FUT9: variants seen among roughly 807,000 people sequenced by gnomAD.
FUT9 encodes the protein 4-galactosyl-N-acetylglucosaminide 3-alpha-L-fucosyltransferase 9.
Under a neutral mutation model 29.7 loss-of-function variants are expected in FUT9, and 15 were observed. That is an observed-to-expected ratio of 0.51 (90% CI 0.34 to 0.78). The LOEUF (loss-of-function observed/expected upper bound fraction) is 0.78. FUT9 is among the 30% of genes least tolerant of loss of function. FUT9 has a pLI of 0.01. For synonymous variants in FUT9, 169 were observed against 153.7 expected, an observed-to-expected ratio of 1.10 and a Z score of -0.74; for missense variants, 319 against 425.4, an observed-to-expected ratio of 0.75 and a Z score of 2.20.
At chr6:96,132,576 A>G (rs1772267359) in intron 2 of FUT9, among the ~76,000 whole-genome samples, 1 of 152,108 alleles carries the variant, frequency 6.6e-6, no homozygotes, top group Non-Finnish European at 1.5e-5. Flanking sequence ...ACCAAAAGAG[A>G]AAGGGCGACA....
At chr6:96,022,783 A>C (rs1465327397) in intron 1 of FUT9, among the ~76,000 whole-genome samples, 1 of 151,882 alleles carries the variant, frequency 6.6e-6, no homozygotes, top group Non-Finnish European at 1.5e-5. Flanking sequence ...CCAGACAGTC[A>C]TAAGGTCTTC....
In FUT9 at chr6:96,100,659, G is replaced by A. The variant is rs147524619; in HGVS notation, c.-97-13380G>A. Among the ~76,000 whole-genome samples, 466 of 152,240 alleles carry A rather than the reference G, an allele frequency of 3.1e-3. 1 individual carries two copies. Among genetic ancestry groups the A allele is most frequent in the African/African-American group, 0.01 (434 of 41,550 alleles). ...TGAGGTATGGTGAGGAGTGATGATC[G>A]ATAAGCCAAGAAGTGAAGACGCAGG... On this transcript the variant is annotated intron_variant, in intron 1 of 2. Transcript: ENST00000302103.
chr6:96,210,248 C>A lies in FUT9; in HGVS notation c.*6013C>A, dbSNP rs1479549266. ...TTCTTAAATATATCGGTAAAGTATTCTACTTCAAAATCCAAGACATTTTGT... is the reference window on the plus strand; with the variant it reads ...TTCTTAAATATATCGGTAAAGTATTATACTTCAAAATCCAAGACATTTTGT... On this transcript the variant is annotated 3_prime_UTR_variant, in exon 3 of 3. Transcript: ENST00000302103. 4 of 166,892 alleles carry A rather than the reference C, an allele frequency of 2.4e-5. No individual in the cohort carries two copies. The highest frequency in any genetic ancestry group is 6.6e-5 in the Admixed American group (1 of 15,244). The allele number at this position is 166,892 out of a possible 1,614,324, so 10.3% of individuals were successfully genotyped here. A position where few individuals can be genotyped will look rare whatever the true frequency, so the allele number is the denominator to read the frequency against.
At chr6:96,186,038 C>A (rs1324570507) in intron 2 of FUT9, among the ~76,000 whole-genome samples, 1 of 152,046 alleles carries the variant, frequency 6.6e-6, no homozygotes. Flanking sequence ...TGCCTTTCCA[C>A]CTTTTTTCTA....
At chr6:96,098,406 G>A (rs1771535979) in intron 1 of FUT9, among the ~76,000 whole-genome samples, 1 of 152,144 alleles carries the variant, frequency 6.6e-6, no homozygotes. Flanking sequence ...ACGATCCACA[G>A]TGATCTTTCA....
intron 2 of FUT9, among the ~76,000 whole-genome samples, chr6:96,164,250 G>GTTTT (rs372685063): frequency 2.9e-5 from 2 of 69,380 alleles, no homozygotes; most frequent in African/African-American, 5.3e-5. Flanking sequence ...GGAGATCCAG[G>GTTTT]TTCTTTTTTT....
intron 1 of FUT9, among the ~76,000 whole-genome samples, chr6:96,061,831 C>G (rs1051936567): frequency 4.6e-5 from 7 of 152,202 alleles, no homozygotes; most frequent in Admixed American, 4.6e-4. Flanking sequence ...CTCTTAATCT[C>G]TCCTGTTTTA....
chr6:96,173,659 C>A (rs1307121377), intron 2 of FUT9, among the ~76,000 whole-genome samples: 2 of 151,960 alleles, frequency 1.3e-5, no homozygotes, highest in African/African-American at 4.8e-5. Context: ...ACTCTTACAT[C>A]TGTCTTATAA....
chr6:96,066,109 C>A (rs113003597), intron 1 of FUT9, among the ~76,000 whole-genome samples: 1 of 152,096 alleles, frequency 6.6e-6, no homozygotes, highest in African/African-American at 2.4e-5. Context: ...TAGAGTTACA[C>A]AACCCTGATT....
At chr6:96,038,979 C>T (rs1770408561) in intron 1 of FUT9, among the ~76,000 whole-genome samples, 1 of 152,106 alleles carries the variant, frequency 6.6e-6, no homozygotes, top group African/African-American at 2.4e-5. Flanking sequence ...AACAACCAGC[C>T]TGGAATAATC....
intron 2 of FUT9, among the ~76,000 whole-genome samples, chr6:96,176,182 G>T (rs1026623005): frequency 3.3e-5 from 5 of 152,074 alleles, no homozygotes; most frequent in Admixed American, 6.5e-5. Context: ...CACTTGGACC[G>T]AGCCACACTA....
rs1470302013 is a variant in FUT9, at chr6:96,213,406, T to C, written c.*9171T>C. The C allele has an allele frequency of 6.0e-6, 1 of 166,862 alleles. No homozygotes were observed. Among genetic ancestry groups the C allele is most frequent in the Non-Finnish European group, 1.5e-5 (1 of 68,018 alleles). 10.3% of individuals were successfully genotyped at this position (166,862 alleles called of 1,614,324 possible). The stretch of plus-strand genomic sequence containing the variant: ...AAACAAAATGTGACAATTCTAGCCA[T>C]TATGTGAATTGTAAGGGTCAGTAAT... On this transcript the variant is annotated 3_prime_UTR_variant, in exon 3 of 3. Transcript: ENST00000302103.
chr6:96,121,087 C>T lies in FUT9; in HGVS notation c.-9+6960C>T, dbSNP rs796075297. ...AAAATTGAGGATACAGTATTTTTAC[C>T]CTCTGCACCTGGAAGAACTTACTGC... On this transcript the variant is annotated intron_variant, in intron 2 of 2. Coordinates refer to ENST00000302103, the MANE Select transcript of FUT9 (RefSeq NM_006581.4). Among the ~76,000 whole-genome samples, 61 of 152,004 alleles carry T rather than the reference C, an allele frequency of 4.0e-4. 1 individual carries two copies. The highest frequency in any genetic ancestry group is 1.3e-3 in the African/African-American group (55 of 41,466).
At chr6:96,170,614 C>T (rs1261135593) in intron 2 of FUT9, among the ~76,000 whole-genome samples, 38 of 151,896 alleles carry the variant, frequency 2.5e-4, no homozygotes, top group Non-Finnish European at 2.9e-5. Context: ...GTTACTGTCA[C>T]TTAGAATCAT....
chr6:96,088,434 C>G (rs1032205379), intron 1 of FUT9, among the ~76,000 whole-genome samples: 4 of 151,638 alleles, frequency 2.6e-5, no homozygotes, highest in Admixed American at 6.6e-5. Flanking sequence ...TATTTAAACA[C>G]TTTTGTCTTC....
At chr6:96,128,317 G>T (rs1001211458) in intron 2 of FUT9, among the ~76,000 whole-genome samples, 4 of 151,994 alleles carry the variant, frequency 2.6e-5, no homozygotes, top group Admixed American at 6.6e-5. Flanking sequence ...CATAATAAAA[G>T]AGGCAAATAA....
At chr6:96,048,358 T>G (rs927810997) in intron 1 of FUT9, among the ~76,000 whole-genome samples, 2 of 152,116 alleles carry the variant, frequency 1.3e-5, no homozygotes, top group African/African-American at 4.8e-5. Context: ...AGTGGAATGA[T>G]AAGTGCTAGG....
intron 1 of FUT9, among the ~76,000 whole-genome samples, chr6:96,079,755 T>C (rs1343033214): frequency 6.6e-6 from 1 of 152,082 alleles, no homozygotes; most frequent in East Asian, 1.9e-4. Context: ...ACTTTCATAT[T>C]TTTTAATAGT....
chr6:96,028,665 A>G (rs1770208910), intron 1 of FUT9, among the ~76,000 whole-genome samples: 1 of 151,646 alleles, frequency 6.6e-6, no homozygotes, highest in African/African-American at 2.4e-5. Flanking sequence ...AACAAATAAA[A>G]TGAGCCTATT....
Sources: gnomAD v4.1 joint callset for allele counts (sites outside exome capture counted in the v4.1 genomes callset) on GRCh38, gnomAD v4.1.1 for gene constraint, MANE v1.5 for transcripts, NCBI Gene and HGNC (gene_info 2026-07-23, HGNC 2026-07-21) for gene names.